LRRC49: variants seen among roughly 807,000 people sequenced by gnomAD.
The protein encoded by LRRC49 is leucine-rich repeat-containing protein 49.
Under a neutral mutation model 83.3 loss-of-function variants are expected in LRRC49, and 50 were observed. The observed-to-expected ratio is 0.60, with a 90% CI of 0.48 to 0.76. The LOEUF (loss-of-function observed/expected upper bound fraction) is 0.76. Among genes scored for constraint, LRRC49 ranks in the 30% least tolerant of loss-of-function variants. The probability of loss-of-function intolerance (pLI) is 0.00; values close to 1 mark genes in which losing one functional copy is unlikely to be tolerated. For synonymous variants in LRRC49, 286 were observed against 283.3 expected (o/e 1.01, Z -0.10); for missense variants, 704 against 809.1 (o/e 0.87, Z 1.58).
chr15:71,031,650 G>T (rs913975278), intron 14 of LRRC49, among the ~76,000 whole-genome samples: 2 of 152,170 alleles, frequency 1.3e-5, no homozygotes, highest in African/African-American at 4.8e-5. Flanking sequence ...CAGGAAGATG[G>T]GGATTTTGTC....
intron 6 of LRRC49, chr15:70,918,098 A>G (rs2034856647): frequency 2.6e-5 from 4 of 152,424 alleles, no homozygotes; most frequent in Admixed American, 2.6e-4. Context: ...TGGTCCAGCC[A>G]TAGCCTCGCA....
rs1402393077 is a variant in LRRC49, at chr15:70,961,586, G to A, written c.774-2199G>A. 1.3e-5 allele frequency among the ~76,000 whole-genome samples: 2 copies of A among 152,184 alleles called. 1 individual carries two copies. The highest frequency in any genetic ancestry group is 3.9e-4 in the East Asian group (2 of 5,190). ...TCAGTGATAAAAAGAAATGAGCTATGAAGCCACAGAAAGACATGGATGAAA... is the reference window on the plus strand; with the variant it reads ...TCAGTGATAAAAAGAAATGAGCTATAAAGCCACAGAAAGACATGGATGAAA... On this transcript the variant is annotated intron_variant, in intron 8 of 15. Transcript: ENST00000260382.
intron 15 of LRRC49, among the ~76,000 whole-genome samples, chr15:71,049,193 G>A (rs1387500773): frequency 6.6e-6 from 1 of 152,110 alleles, no homozygotes; most frequent in African/African-American, 2.4e-5. Flanking sequence ...ACAGAGGTAG[G>A]AGTAGACTGA....
At chr15:70,987,915 G>C (rs904543619) in intron 11 of LRRC49, among the ~76,000 whole-genome samples, 1 of 152,080 alleles carries the variant, frequency 6.6e-6, no homozygotes. Context: ...ATCAGGAGCA[G>C]GTTGTTCAGT....
chr15:70,895,108 A>C (rs1245335583), intron 2 of LRRC49, among the ~76,000 whole-genome samples: 2 of 152,188 alleles, frequency 1.3e-5, no homozygotes, highest in Non-Finnish European at 2.9e-5. Flanking sequence ...CTAAGGATAT[A>C]ATGCAAATGC....
chr15:70,882,755 A>G (rs763126144), intron 2 of LRRC49: 7 of 1,613,980 alleles, frequency 4.3e-6, no homozygotes, highest in Non-Finnish European at 5.1e-6. Flanking sequence ...AAGAGTCAAA[A>G]CATACCCACA....
intron 11 of LRRC49, among the ~76,000 whole-genome samples, chr15:70,990,333 C>T (rs550182631): frequency 2.0e-5 from 3 of 152,358 alleles, no homozygotes; most frequent in Admixed American, 1.3e-4. Flanking sequence ...CAAGCCTGGG[C>T]AATGGCAGGC....
At chr15:71,009,384 T>A (rs1430076615) in intron 12 of LRRC49, among the ~76,000 whole-genome samples, 1 of 151,946 alleles carries the variant, frequency 6.6e-6, no homozygotes, top group Non-Finnish European at 1.5e-5. Flanking sequence ...AATAACTAAC[T>A]AGTTCTTCTC....
At chr15:70,980,304 AACAGAATGTACGT>A in intron 10 of LRRC49, 120 bp downstream of exon 10, 1 of 592,482 alleles carries the variant, frequency 1.7e-6, no homozygotes, top group African/African-American at 1.9e-5. Flanking sequence ...TGTTCCTATC[AACAGAATGTACGT>A]ACCCCTAAAA....
intron 8 of LRRC49, among the ~76,000 whole-genome samples, chr15:70,951,658 G>A (rs1363515196): frequency 6.6e-6 from 1 of 152,098 alleles, no homozygotes; most frequent in Non-Finnish European, 1.5e-5. Context: ...GAAGCCTTAT[G>A]ATGGAGTCTG....
intron 11 of LRRC49, among the ~76,000 whole-genome samples, chr15:70,993,329 C>G (rs2037959295): frequency 6.6e-6 from 1 of 152,212 alleles, no homozygotes; most frequent in Non-Finnish European, 1.5e-5. Context: ...TTTGCCCTTC[C>G]CAGGTGAGGT....
rs369249823 is a variant in LRRC49 at position 70,963,906 on chromosome 15, C to T, written c.895C>T (p.Arg299Cys). The T allele has an allele frequency of 3.5e-5, 57 of 1,613,088 alleles. No individual in the cohort carries two copies. Among genetic ancestry groups the T allele is most frequent in the South Asian group, 4.4e-5 (4 of 90,952 alleles). ...HTVLQNMMQL[R>C]QLDMKRITEE... ...TGTCCTTCAGAATATGATGCAGCTG[C>T]GCCAGCTAGATATGAAGAGAATCAC... is the stretch of plus-strand genomic sequence containing the variant. Residue 299 changes from arginine (R) to cysteine (C), a missense_variant, in exon 9 of 16, where the codon CGC becomes TGC. Coordinates refer to ENST00000260382, the MANE Select transcript of LRRC49 (RefSeq NM_017691.5).
intron 14 of LRRC49, among the ~76,000 whole-genome samples, chr15:71,030,761 T>G (rs1254619916): frequency 6.6e-6 from 1 of 152,020 alleles, no homozygotes; most frequent in East Asian, 1.9e-4. Context: ...CTTATTTCAG[T>G]AAGTTGATCT....
chr15:71,035,906 A>G (rs1231396563), intron 14 of LRRC49, among the ~76,000 whole-genome samples: 1 of 152,174 alleles, frequency 6.6e-6, no homozygotes, highest in African/African-American at 2.4e-5. Flanking sequence ...CAGGCCTTCA[A>G]AGAATCATCA....
intron 1 of LRRC49, chr15:70,859,173 T>G: frequency 6.8e-7 from 1 of 1,471,442 alleles, no homozygotes; most frequent in Admixed American, 1.7e-5. Flanking sequence ...CTGGAGACTC[T>G]GAGCCAGGAG....
At chr15:70,990,678 T>C (rs1379743445) in intron 11 of LRRC49, among the ~76,000 whole-genome samples, 1 of 152,236 alleles carries the variant, frequency 6.6e-6, no homozygotes, top group African/African-American at 2.4e-5. Flanking sequence ...CCTAGTGAGA[T>C]GAACCCAGTA....
At chr15:70,856,539 C>G (rs2032658521) in intron 1 of LRRC49, among the ~76,000 whole-genome samples, 1 of 152,156 alleles carries the variant, frequency 6.6e-6, no homozygotes, top group Non-Finnish European at 1.5e-5. Flanking sequence ...TATATTAAAA[C>G]AACTTGGAAT....
At chr15:70,866,371 T>C (rs1029433183) in intron 1 of LRRC49, among the ~76,000 whole-genome samples, 1 of 152,082 alleles carries the variant, frequency 6.6e-6, no homozygotes, top group African/African-American at 2.4e-5. Context: ...GGTCTCCATC[T>C]CTTGATCTCG....
chr15:70,854,055 G>A, intron 1 of LRRC49: 1 of 1,403,394 alleles, frequency 7.1e-7, no homozygotes, highest in Admixed American at 2.6e-5. Context: ...GCCGTCTTGG[G>A]CCCGGGCCGA....
Sources: allele counts gnomAD v4.1 joint callset (sites outside exome capture counted in the v4.1 genomes callset), GRCh38; gene constraint gnomAD v4.1.1; transcripts MANE v1.5; gene names NCBI Gene and HGNC (gene_info 2026-07-23, HGNC 2026-07-21).